Variants in ATP10B observed in about 807,000 individuals in gnomAD.
The protein encoded by ATP10B is ATPase phospholipid transporting 10B (putative), also known as phospholipid-transporting ATPase VB.
In ATP10B, 122 loss-of-function variants were observed where a neutral mutation model predicts 141.2. That is an observed-to-expected ratio of 0.86 (90% confidence interval 0.75 to 1.00). ATP10B has a LOEUF of 1.00. ATP10B is among the 50% of genes least tolerant of loss of function. The pLI is 0.00. For synonymous variants in ATP10B, 685 were observed against 692.0 expected, an observed-to-expected ratio of 0.99 and a Z score of 0.16; for missense variants, 1,876 against 1,825.3, an observed-to-expected ratio of 1.03 and a Z score of -0.51.
chr5:160,743,976 A>G (rs1190047162), intron 2 of ATP10B, among the ~76,000 whole-genome samples: 1 of 152,210 alleles, frequency 6.6e-6, no homozygotes, highest in Non-Finnish European at 1.5e-5. Flanking sequence ...CCAAAATGTT[A>G]ATAATACCAA....
At chr5:160,701,982 T>C (rs1316856858) in intron 3 of ATP10B, among the ~76,000 whole-genome samples, 1 of 151,614 alleles carries the variant, frequency 6.6e-6, no homozygotes, top group Non-Finnish European at 1.5e-5. Context: ...CAGTGCCTCC[T>C]GGGAACAGTA....
chr5:160,610,686 G>A (rs1262323933), intron 18 of ATP10B, among the ~76,000 whole-genome samples: 1 of 152,164 alleles, frequency 6.6e-6, no homozygotes, highest in Admixed American at 6.5e-5. Flanking sequence ...ATGAAGAGAA[G>A]TTCAAGAAGA....
At chr5:160,707,398 C>A (rs563593038) in intron 3 of ATP10B, among the ~76,000 whole-genome samples, 2 of 152,312 alleles carry the variant, frequency 1.3e-5, no homozygotes, top group African/African-American at 2.4e-5. Flanking sequence ...AAGGTAGGAA[C>A]CCTGGTCTCT....
intron 7 of ATP10B, among the ~76,000 whole-genome samples, chr5:160,654,704 G>A (rs1324352285): frequency 5.3e-5 from 8 of 152,050 alleles, no homozygotes; most frequent in Middle Eastern, 3.4e-3. Flanking sequence ...TGTCGTCATC[G>A]TCATCATCAT....
chr5:160,735,719 T>C (rs1051357817), intron 2 of ATP10B, among the ~76,000 whole-genome samples: 2 of 152,138 alleles, frequency 1.3e-5, no homozygotes, highest in African/African-American at 4.8e-5. Flanking sequence ...ACATGGATCA[T>C]TCTCAAGGAT....
At chr5:160,659,485 A>G (rs1199247369) in intron 7 of ATP10B, among the ~76,000 whole-genome samples, 2 of 152,046 alleles carry the variant, frequency 1.3e-5, no homozygotes, top group African/African-American at 4.8e-5. Flanking sequence ...AAAAACAAAA[A>G]CAAAAACAAA....
At position 160,606,801 on chromosome 5, in the gene ATP10B, C is replaced by A. The variant is rs769927996; in HGVS notation, c.3124G>T (p.Val1042Leu). Residue 1042 changes from valine (V) to leucine (L), a missense_variant, in exon 19 of 26, where the codon GTG (valine) becomes TTG (leucine). By Grantham distance (32) the Val-to-Leu change is conservative (BLOSUM62 1). Coordinates refer to ENST00000327245, the MANE Select transcript of ATP10B (RefSeq NM_025153.3). Reference sequence around the variant, plus strand: ...GTCATGACGCGCAACTTGTCTCGCACCAGCTTGACTATCATACTCTTCTGG... The same window carrying A: ...GTCATGACGCGCAACTTGTCTCGCAACAGCTTGACTATCATACTCTTCTGG... ...PLQKSMIVKL[V>L]RDKLRVMTLS... 12 of 1,614,036 alleles carry A rather than the reference C, an allele frequency of 7.4e-6. No individual in the cohort carries two copies. In the South Asian group the frequency reaches 1.2e-4, roughly 16 times the overall value.
At chr5:160,667,884 T>C (rs1762416005) in intron 7 of ATP10B, among the ~76,000 whole-genome samples, 1 of 151,920 alleles carries the variant, frequency 6.6e-6, no homozygotes, top group Admixed American at 6.6e-5. Context: ...GTAGGGAGGC[T>C]AAAGGGGAGA....
chr5:160,919,365 G>A, the ATP10B span, among the ~76,000 whole-genome samples: 1 of 151,906 alleles, frequency 6.6e-6, no homozygotes, highest in African/African-American at 2.4e-5. Context: ...ATGATACTGT[G>A]CAAAATCAGA....
At chr5:160,657,830 AT>A (rs1438911985) in intron 7 of ATP10B, among the ~76,000 whole-genome samples, 1 of 152,220 alleles carries the variant, frequency 6.6e-6, no homozygotes, top group Non-Finnish European at 1.5e-5. Context: ...ATGCTACAGC[AT>A]CCGGCAGATA....
At chr5:160,845,560 TTGTA>T (rs1199062086) in intron 1 of ATP10B, among the ~76,000 whole-genome samples, 12 of 152,184 alleles carry the variant, frequency 7.9e-5, no homozygotes, top group South Asian at 2.1e-4. Flanking sequence ...TTAGTTCATA[TTGTA>T]TGTGTCATAA....
chr5:160,638,950 C>T (rs1484953377), intron 10 of ATP10B, among the ~76,000 whole-genome samples: 1 of 152,176 alleles, frequency 6.6e-6, no homozygotes, highest in Non-Finnish European at 1.5e-5. Flanking sequence ...CTCCTGTCTC[C>T]ACCTCTCATG....
chr5:160,575,135 G>C (rs982334403), intron 24 of ATP10B, among the ~76,000 whole-genome samples: 1 of 152,002 alleles, frequency 6.6e-6, no homozygotes, highest in Non-Finnish European at 1.5e-5. Context: ...GCTTATTCAG[G>C]CTTGCTGAGT....
At chr5:160,827,218 T>G (rs1205928829) in intron 1 of ATP10B, among the ~76,000 whole-genome samples, 1 of 152,212 alleles carries the variant, frequency 6.6e-6, no homozygotes, top group Admixed American at 6.5e-5. Context: ...TTTGTACTCT[T>G]TATTTCTCAG....
chr5:160,673,542 T>G (rs1394613271), intron 6 of ATP10B, among the ~76,000 whole-genome samples: 2 of 151,192 alleles, frequency 1.3e-5, no homozygotes, highest in East Asian at 1.9e-4. Context: ...TGTTTTTTTT[T>G]TTTTTTTTTG....
intron 1 of ATP10B, among the ~76,000 whole-genome samples, chr5:160,831,816 T>C (rs746913701): frequency 1.2e-4 from 18 of 152,110 alleles, no homozygotes; most frequent in Non-Finnish European, 1.6e-4. Context: ...CAAGAGGTAA[T>C]AGGCAATAAA....
intron 18 of ATP10B, among the ~76,000 whole-genome samples, chr5:160,607,713 C>T (rs1019455): frequency 0.77 from 117,232 of 152,148 alleles, 45,346 homozygotes; most frequent in East Asian, 0.84. Context: ...GAACGGACTA[C>T]GGTTATAAAA....
chr5:160,744,545 T>C (rs1767679259), intron 2 of ATP10B, among the ~76,000 whole-genome samples: 1 of 152,140 alleles, frequency 6.6e-6, no homozygotes, highest in African/African-American at 2.4e-5. Context: ...TTTACTTTTG[T>C]CTATACAAAT....
intron 15 of ATP10B, among the ~76,000 whole-genome samples, chr5:160,619,450 G>A (rs973193535): frequency 1.2e-4 from 18 of 152,158 alleles, no homozygotes; most frequent in Admixed American, 4.6e-4. Flanking sequence ...TGGCTCCCTT[G>A]ACTCAGAAGT....
Sources: allele counts gnomAD v4.1 joint callset (sites outside exome capture counted in the v4.1 genomes callset), GRCh38; gene constraint gnomAD v4.1.1; transcripts MANE v1.5; gene names NCBI Gene and HGNC (gene_info 2026-07-23, HGNC 2026-07-21).